Variants in NELL1 observed in about 807,000 individuals in gnomAD.
NELL1 encodes protein kinase C-binding protein NELL1.
In NELL1, 76 loss-of-function variants were observed where a neutral mutation model predicts 107.4. The ratio of observed to expected loss-of-function variants is 0.71; its 90% CI spans 0.59 to 0.86. NELL1 has a LOEUF of 0.86. Among genes scored for constraint, NELL1 ranks in the 40% least tolerant of loss-of-function variants. The pLI, the probability that NELL1 is intolerant of heterozygous loss-of-function variation, is 0.00. For synonymous variants in NELL1, 353 were observed against 341.2 expected (o/e 1.03, Z -0.38); for missense variants, 1,024 against 1,005.5 (o/e 1.02, Z -0.25).
chr11:20,750,958 G>T (rs1314808511), intron 2 of NELL1, among the ~76,000 whole-genome samples: 1 of 152,104 alleles, frequency 6.6e-6, no homozygotes, highest in East Asian at 1.9e-4. Flanking sequence ...CTCCCCAGAT[G>T]TTCTGGCACT....
intron 5 of NELL1, among the ~76,000 whole-genome samples, chr11:20,899,914 C>G (rs980551182): frequency 6.6e-6 from 1 of 151,828 alleles, no homozygotes; most frequent in Admixed American, 6.6e-5. Flanking sequence ...CTATGGTAGT[C>G]TTAGCTTCAT....
intron 14 of NELL1, among the ~76,000 whole-genome samples, chr11:21,355,985 C>G (rs1360417616): frequency 2.6e-5 from 4 of 152,100 alleles, no homozygotes; most frequent in Non-Finnish European, 5.9e-5. Flanking sequence ...ATGGCTCACT[C>G]TTTTCCCCTT....
chr11:20,792,014 TA>T (rs1361101015), intron 3 of NELL1, among the ~76,000 whole-genome samples: 3 of 152,220 alleles, frequency 2.0e-5, no homozygotes, highest in Admixed American at 2.0e-4. Context: ...TTCGATTTGA[TA>T]GTATATTGTT....
chr11:21,564,114 C>T lies in NELL1; in HGVS notation c.1980+3732C>T, dbSNP rs371677398. 9.9e-5 allele frequency among the ~76,000 whole-genome samples: 15 copies of T among 151,900 alleles called. No homozygotes were observed. In the East Asian group the frequency reaches 1.8e-3, roughly 18 times the overall value. On this transcript the variant is annotated intron_variant, in intron 17 of 19. Coordinates refer to ENST00000357134, the MANE Select transcript of NELL1 (RefSeq NM_006157.5). The stretch of plus-strand genomic sequence containing the variant: ...CTTCATCCTGTGGGCAGCAAATGAT[C>T]GTAAGAGATTTTACGTTTGGAATTG...
chr11:21,295,884 A>C (rs1464859232), intron 14 of NELL1, among the ~76,000 whole-genome samples: 6 of 152,064 alleles, frequency 3.9e-5, no homozygotes, highest in Admixed American at 2.0e-4. Context: ...AAGGCAGTTA[A>C]AAAATTGGAA....
chr11:20,761,849 T>A (rs1399994266), intron 2 of NELL1, among the ~76,000 whole-genome samples: 1 of 152,248 alleles, frequency 6.6e-6, no homozygotes, highest in Admixed American at 6.5e-5. Context: ...TTGATAAATG[T>A]TGATGGTTTT....
At chr11:20,789,172 C>T (rs547283055) in intron 3 of NELL1, among the ~76,000 whole-genome samples, 1 of 152,304 alleles carries the variant, frequency 6.6e-6, no homozygotes, top group East Asian at 1.9e-4. Context: ...GCTCGTTCTA[C>T]CCACTCGGCC....
chr11:20,847,457 G>A, intron 3 of NELL1, 126 bp from the exon 4 acceptor site: 1 of 942,660 alleles, frequency 1.1e-6, no homozygotes, highest in Admixed American at 2.9e-5. Context: ...TTGAGGTCTT[G>A]GCTCTTTGTG....
intron 10 of NELL1, 31 bp from the exon 11 acceptor site, chr11:20,947,305 T>C (rs768524231): frequency 2.0e-6 from 3 of 1,467,968 alleles, no homozygotes; most frequent in South Asian, 2.3e-5. Context: ...AATGTGAACA[T>C]CTTTTTCTTT....
intron 12 of NELL1, among the ~76,000 whole-genome samples, chr11:20,980,567 G>A (rs1851729950): frequency 1.3e-5 from 2 of 152,268 alleles, no homozygotes; most frequent in South Asian, 4.1e-4. Flanking sequence ...GAGCCCATAA[G>A]TAATTCAGTA....
intron 19 of NELL1, among the ~76,000 whole-genome samples, chr11:21,573,689 G>T (rs997634069): frequency 2.0e-5 from 3 of 151,252 alleles, no homozygotes; most frequent in Non-Finnish European, 2.9e-5. Context: ...ACTAACTTAG[G>T]CTCTTTTGAC....
chr11:21,466,200 A>T (rs1387253134), intron 15 of NELL1, among the ~76,000 whole-genome samples: 1 of 152,138 alleles, frequency 6.6e-6, no homozygotes, highest in Non-Finnish European at 1.5e-5. Flanking sequence ...AGCACAATGC[A>T]TTGCCCTCTA....
At chr11:21,443,011 T>C (rs1450876728) in intron 15 of NELL1, among the ~76,000 whole-genome samples, 1 of 136,064 alleles carries the variant, frequency 7.3e-6, no homozygotes, top group East Asian at 2.3e-4. Context: ...TTTGCTGCTA[T>C]AACAGAATAC....
At chr11:20,786,762 A>G (rs1856967781) in intron 3 of NELL1, among the ~76,000 whole-genome samples, 1 of 152,078 alleles carries the variant, frequency 6.6e-6, no homozygotes, top group African/African-American at 2.4e-5. Flanking sequence ...TAATCCCAGC[A>G]CTTTGGGAGG....
intron 14 of NELL1, among the ~76,000 whole-genome samples, chr11:21,301,597 A>AT (rs1849493263): frequency 1.3e-5 from 2 of 150,458 alleles, no homozygotes; most frequent in African/African-American, 2.4e-5. Context: ...GGGTTATTTG[A>AT]TTTTTTCTTG....
chr11:20,928,405 C>T lies in NELL1; in HGVS notation c.923C>T (p.Ser308Phe), dbSNP rs749227561. 3.1e-6 allele frequency: 5 copies of T among 1,614,000 alleles called. No homozygotes were observed. The East Asian group carries it at 1.1e-4, about 36-fold the overall frequency. ...KSGAVECRRM[S>F]CPPLNCSPDS... ...GGTGCCGTGGAATGCCGAAGGATGT[C>T]CTGTCCCCCTCTCAATTGCTCCCCA... is the stretch of plus-strand genomic sequence containing the variant. Residue 308 changes from serine to phenylalanine, a missense_variant, in exon 9 of 20, where the codon TCC (serine) becomes TTC (phenylalanine). Ser to Phe is a radical substitution (Grantham distance 155). Transcript: ENST00000357134.
intron 2 of NELL1, among the ~76,000 whole-genome samples, chr11:20,689,734 C>T (rs556266805): frequency 3.3e-5 from 5 of 150,336 alleles, no homozygotes; most frequent in Admixed American, 6.6e-5. Flanking sequence ...TGAATAGTGC[C>T]GCAATAAACA....
chr11:21,333,407 T>TATAGAA (rs1021490673), intron 14 of NELL1, among the ~76,000 whole-genome samples: 2 of 152,050 alleles, frequency 1.3e-5, no homozygotes, highest in African/African-American at 4.8e-5. Context: ...TTGTTGTGAT[T>TATAGAA]ATAGAAATAG....
intron 1 of NELL1, among the ~76,000 whole-genome samples, chr11:20,676,928 A>C (rs1039640985): frequency 7.2e-5 from 11 of 152,228 alleles, no homozygotes; most frequent in African/African-American, 2.2e-4. Flanking sequence ...TGGCTTAAAC[A>C]TAGCCCCTTA....
Sources: gnomAD v4.1 joint callset for allele counts (sites outside exome capture counted in the v4.1 genomes callset) on GRCh38, gnomAD v4.1.1 for gene constraint, MANE v1.5 for transcripts, NCBI Gene and HGNC (gene_info 2026-07-23, HGNC 2026-07-21) for gene names.